The following MAP3K13 variants were observed in gnomAD, a reference collection of about 807,000 sequenced individuals.
The protein encoded by MAP3K13 is leucine zipper-bearing kinase.
MAP3K13 carries 52 observed loss-of-function variants against 104.0 expected under a neutral mutation model. The ratio of observed to expected loss-of-function variants is 0.50; its 90% confidence interval spans 0.40 to 0.63. MAP3K13 has a LOEUF of 0.63. Ranked by LOEUF, MAP3K13 falls within the 20% of genes least tolerant of loss-of-function variation. MAP3K13 has a pLI of 0.00. For missense variants in MAP3K13, 914 were observed against 1,218.5 expected (o/e 0.75, Z 3.72); for synonymous variants, 394 against 442.2 (o/e 0.89, Z 1.37).
chr3:185,356,624 C>T (rs1387445175), intron 2 of MAP3K13, among the ~76,000 whole-genome samples: 1 of 152,214 alleles, frequency 6.6e-6, no homozygotes, highest in Non-Finnish European at 1.5e-5. Context: ...CAGCCCCCAC[C>T]CAGCCAATAG....
At chr3:185,441,477 T>C (rs1715316044) in intron 3 of MAP3K13, among the ~76,000 whole-genome samples, 1 of 152,194 alleles carries the variant, frequency 6.6e-6, no homozygotes, top group South Asian at 2.1e-4. Flanking sequence ...AAAAACTGCA[T>C]ATAAAGAACT....
intron 3 of MAP3K13, among the ~76,000 whole-genome samples, chr3:185,442,846 T>A (rs1057283438): frequency 6.6e-6 from 1 of 151,944 alleles, no homozygotes; most frequent in Non-Finnish European, 1.5e-5. Flanking sequence ...ATTATTATTA[T>A]TTTTTATTTT....
chr3:185,354,455 A>G (rs1401176524), intron 2 of MAP3K13, among the ~76,000 whole-genome samples: 3 of 150,618 alleles, frequency 2.0e-5, no homozygotes, highest in Non-Finnish European at 4.4e-5. Flanking sequence ...CTCTGTTGAC[A>G]TAGAGAGGTA....
chr3:185,455,691 TGA>T (rs796761278), intron 7 of MAP3K13, among the ~76,000 whole-genome samples: 429 of 17,786 alleles, frequency 0.024, 166 homozygotes, highest in South Asian at 0.052. Context: ...GATATATATA[TGA>T]TATATATATG....
rs201894443 is a variant in MAP3K13, at chr3:185,368,166, T to G, written c.-86+4798T>G. Among the ~76,000 whole-genome samples the G allele has an allele frequency of 7.2e-5, 11 of 152,076 alleles. No individual in the cohort carries two copies. The East Asian group carries it at 1.9e-3, about 27-fold the overall frequency. ...ACAGAACAGACCCTGTCTCAAAAAA[T>G]TAATTAATTAAATGTAATCTTTGTG... is the stretch of plus-strand genomic sequence containing the variant. On this transcript the variant is annotated intron_variant, in intron 1 of 13. Coordinates refer to ENST00000265026, the MANE Select transcript of MAP3K13 (RefSeq NM_004721.5).
At chr3:185,452,714 C>T (rs1284867190) in intron 7 of MAP3K13, among the ~76,000 whole-genome samples, 2 of 152,166 alleles carry the variant, frequency 1.3e-5, no homozygotes, top group East Asian at 3.9e-4. Context: ...CTCATTCACG[C>T]ACCTGACCAC....
In MAP3K13 at chr3:185,442,189, TAA is replaced by T. The variant is rs35886405; in HGVS notation, c.660-1242_660-1241del. On this transcript the variant is annotated intron_variant, in intron 3 of 13. Transcript: ENST00000265026. Reference sequence around the variant, plus strand: ...TGGATGACAGAGCGAGACTCTTTCTTAAAAAAAAAAAAAAAGTGTATATTTTC... The same window carrying T: ...TGGATGACAGAGCGAGACTCTTTCTTAAAAAAAAAAAAAGTGTATATTTTC... Among the ~76,000 whole-genome samples, 569 of 144,662 alleles carry T rather than the reference TAA, an allele frequency of 3.9e-3. 1 individual carries two copies. Among genetic ancestry groups the T allele is most frequent in the African/African-American group, 0.011 (433 of 39,700 alleles). 94.9% of individuals were successfully genotyped at this position (144,662 alleles called of 152,430 possible).
At chr3:185,373,342 T>G (rs1246561201) in intron 1 of MAP3K13, among the ~76,000 whole-genome samples, 1 of 152,174 alleles carries the variant, frequency 6.6e-6, no homozygotes, top group African/African-American at 2.4e-5. Context: ...TAAAATATAG[T>G]TTATGAAAAA....
At chr3:185,442,812 C>T (rs140368927) in intron 3 of MAP3K13, among the ~76,000 whole-genome samples, 11 of 151,758 alleles carry the variant, frequency 7.2e-5, no homozygotes, top group African/African-American at 2.4e-4. Flanking sequence ...GGATTACAAG[C>T]GTGAGCCACC....
intron 1 of MAP3K13, among the ~76,000 whole-genome samples, chr3:185,394,510 C>T (rs769636875): frequency 1.3e-5 from 2 of 152,118 alleles, no homozygotes; most frequent in Admixed American, 6.6e-5. Context: ...GAATGAAAGA[C>T]GTATATGTTG....
rs146811597 is a variant in MAP3K13 at position 185,440,865 on chromosome 3, A to C, written c.660-2580A>C. 3.0e-3 allele frequency among the ~76,000 whole-genome samples: 454 copies of C among 152,344 alleles called. 3 individuals are homozygous for C. Among genetic ancestry groups the C allele is most frequent in the Non-Finnish European group, 4.1e-3 (277 of 68,038 alleles). On this transcript the variant is annotated intron_variant, in intron 3 of 13. Coordinates refer to ENST00000265026, the MANE Select transcript of MAP3K13 (RefSeq NM_004721.5). ...TCTCTAGAAAGTTTCAAAGGAAGGC[A>C]TGTATACCCATAAGCGATAAGACAT...
intron 1 of MAP3K13, among the ~76,000 whole-genome samples, chr3:185,402,520 C>G (rs2108778601): frequency 6.6e-6 from 1 of 152,248 alleles, no homozygotes; most frequent in East Asian, 1.9e-4. Context: ...TATATCCAGT[C>G]TCATTATAAA....
chr3:185,463,533 A>G lies in MAP3K13; in HGVS notation c.1279-17A>G. ...AAACTCCTGGAATTTATCAAAATCTAATTTGTCCTTACCCAGGCTGAATGG... is the reference window on the plus strand; with the variant it reads ...AAACTCCTGGAATTTATCAAAATCTGATTTGTCCTTACCCAGGCTGAATGG... On this transcript the variant is annotated splice_polypyrimidine_tract_variant and intron_variant, in intron 7 of 13. Coordinates refer to ENST00000265026, the MANE Select transcript of MAP3K13 (RefSeq NM_004721.5). 6.9e-7 allele frequency: 1 copy of G among 1,443,428 alleles called. No homozygotes were observed. The highest frequency in any genetic ancestry group is 9.7e-7 in the Non-Finnish European group (1 of 1,028,078). The allele number at this position is 1,443,428 out of a possible 1,614,324, so 89.4% of individuals were successfully genotyped here.
intron 4 of MAP3K13, among the ~76,000 whole-genome samples, chr3:185,445,883 A>T (rs943407874): frequency 1.2e-4 from 19 of 152,112 alleles, no homozygotes; most frequent in African/African-American, 4.6e-4. Flanking sequence ...AGTTCCCATA[A>T]AAAGTTCCCT....
intron 10 of MAP3K13, among the ~76,000 whole-genome samples, chr3:185,470,830 T>C (rs1717732324): frequency 6.6e-6 from 1 of 152,206 alleles, no homozygotes; most frequent in African/African-American, 2.4e-5. Flanking sequence ...ATTAAAAATA[T>C]AAACTTTACT....
At chr3:185,460,734 A>T (rs1717050601) in intron 7 of MAP3K13, among the ~76,000 whole-genome samples, 1 of 152,206 alleles carries the variant, frequency 6.6e-6, no homozygotes, top group South Asian at 2.1e-4. Flanking sequence ...GTGTTTTCCC[A>T]TACGTCCTTT....
chr3:185,301,439 C>A (rs1449036851), intron 2 of MAP3K13, among the ~76,000 whole-genome samples: 1 of 152,040 alleles, frequency 6.6e-6, no homozygotes, highest in Non-Finnish European at 1.5e-5. Flanking sequence ...TCCTTTGCTG[C>A]ATGTAAGTTT....
chr3:185,348,848 C>T (rs1228226327), intron 2 of MAP3K13, among the ~76,000 whole-genome samples: 4 of 152,098 alleles, frequency 2.6e-5, no homozygotes, highest in African/African-American at 7.2e-5. Context: ...ACCCAGGAGG[C>T]GGAGGTTGCA....
intron 2 of MAP3K13, among the ~76,000 whole-genome samples, chr3:185,323,602 G>A (rs9840384): frequency 0.68 from 103,733 of 151,916 alleles, 36,794 homozygotes; most frequent in Non-Finnish European, 0.78. Context: ...CAAAGTGCTG[G>A]GATTCCAGGC....
Sources: allele counts gnomAD v4.1 joint callset (sites outside exome capture counted in the v4.1 genomes callset), GRCh38; gene constraint gnomAD v4.1.1; transcripts MANE v1.5; gene names NCBI Gene and HGNC (gene_info 2026-07-23, HGNC 2026-07-21).